Variants in CPT1B observed in about 807,000 individuals in gnomAD.
CPT1B encodes carnitine palmitoyltransferase 1B.
A neutral mutation model predicts 92.7 loss-of-function variants in CPT1B; 57 were observed. The observed-to-expected ratio is 0.62, with a 90% CI of 0.50 to 0.77. The LOEUF (loss-of-function observed/expected upper bound fraction) is 0.77. Among genes scored for constraint, CPT1B ranks in the 30% least tolerant of loss-of-function variants. The probability of loss-of-function intolerance (pLI) is 0.00; values close to 1 mark genes in which losing one functional copy is unlikely to be tolerated. For missense variants in CPT1B, 983 were observed against 1,017.4 expected (o/e 0.97, Z 0.46); for synonymous variants, 398 against 383.5 (o/e 1.04, Z -0.44).
In CPT1B at chr22:50,575,566, T is replaced by C. The variant is rs549979520; in HGVS notation, c.777+469A>G. ...AGACCCAGAGACTCAGAAGGGCCAG[T>C]TACATGGGGCAGAGGCAGACTGACT... On this transcript the variant is annotated intron_variant, in intron 7 of 19. Transcript: ENST00000312108. 3.5e-4 allele frequency among the ~76,000 whole-genome samples: 53 copies of C among 152,234 alleles called. No individual in the cohort carries two copies. The Middle Eastern group carries it at 0.02, about 59-fold the overall frequency.
Position 50,574,398 on chromosome 22 carries a change from G to A in CPT1B, c.907C>T (p.Pro303Ser). 1 of 1,614,066 alleles carries A rather than the reference G, an allele frequency of 6.2e-7. No individual in the cohort carries two copies. The highest frequency in any genetic ancestry group is 1.7e-5 in the Admixed American group (1 of 60,002). Residue 303 changes from proline to serine, a missense_variant, in exon 9 of 20, where the codon CCT becomes TCT. Transcript: ENST00000312108. ...IKPVMALGIV[P>S]MCSYQMERMF... ...CTCTCCATCTGGTAGGAGCACATAG[G>A]CACTATGCCCAGTGCCATCACCTGA...
At chr22:50,569,491 G>A (rs2070050918) in intron 18 of CPT1B, 70 bp from the exon 19 acceptor site, 4 of 1,602,944 alleles carry the variant, frequency 2.5e-6, no homozygotes, top group Non-Finnish European at 3.4e-6. Flanking sequence ...AAGCAAGGAT[G>A]CCTCCCCAGC....
intron 5 of CPT1B, 61 bp downstream of exon 5, chr22:50,576,475 T>C (rs1237420908): frequency 2.5e-6 from 4 of 1,598,540 alleles, no homozygotes; most frequent in Non-Finnish European, 3.4e-6. Context: ...ACCTTATATT[T>C]GGAAACATCT....
Position 50,576,284 on chromosome 22 carries a change from C to G in CPT1B, c.613G>C (p.Glu205Gln). The change falls in exon 6 of 20, where the codon GAG (glutamate) becomes CAG (glutamine). Residue 205 changes from glutamate (E) to glutamine (Q), a missense_variant. By Grantham distance (29) the Glu-to-Gln change is conservative. Transcript: ENST00000312108. ...TCCTGGAATTCTTTGGCCAGCAACT[C>G]CATGCGGTAATATTCCTCATCATCC... ...LLDDEEYYRM[E>Q]LLAKEFQDKT... The G allele has an allele frequency of 6.2e-7, 1 of 1,614,088 alleles. No individual in the cohort carries two copies.
chr22:50,572,154 C>T (rs1439240504), intron 12 of CPT1B, 32 bp from the exon 13 acceptor site: 2 of 1,610,556 alleles, frequency 1.2e-6, no homozygotes, highest in Non-Finnish European at 8.5e-7. Flanking sequence ...GAGAGGCTGG[C>T]CTCATCCCCT....
intron 1 of CPT1B, 28 bp downstream of exon 1, chr22:50,578,358 G>A (rs2070571685): frequency 6.6e-6 from 1 of 152,536 alleles, no homozygotes; most frequent in African/African-American, 2.4e-5. Context: ...AGACCCCCGC[G>A]GGCCGCCCTG....
Position 50,571,532 on chromosome 22 carries a change from G to T in CPT1B, c.1583C>A (p.Ala528Glu), listed in dbSNP as rs770692414. 4 of 1,611,626 alleles carry T rather than the reference G, an allele frequency of 2.5e-6. No individual in the cohort carries two copies. Among genetic ancestry groups the T allele is most frequent in the Middle Eastern group, 1.7e-4 (1 of 6,054 alleles). The change falls in exon 14 of 20, where the codon GCG becomes GAG. Residue 528 changes from alanine (A) to glutamate (E), a missense_variant. Ala to Glu is a moderately radical substitution (Grantham distance 107). Transcript: ENST00000312108. ...LQWDIPKQCQAVIESSYQVAK... is the reference protein window; with the variant it reads ...LQWDIPKQCQEVIESSYQVAK... ...CACCTGGTAGGAACTCTCGATGACC[G>T]CCTGGCACTGCCAAGACATGGGAAG...
intron 7 of CPT1B, chr22:50,574,844 C>T (rs1015616424): frequency 5.2e-5 from 25 of 479,518 alleles, no homozygotes; most frequent in Middle Eastern, 5.8e-4. Flanking sequence ...GCTCTGTCGC[C>T]CAGGCTGGAG....
Position 50,574,385 on chromosome 22 carries a change from T to C in CPT1B, c.920A>G (p.Tyr307Cys), listed in dbSNP as rs2070335297. 6.2e-7 allele frequency: 1 copy of C among 1,613,994 alleles called. No homozygotes were observed. Among genetic ancestry groups the C allele is most frequent in the African/African-American group, 1.3e-5 (1 of 74,998 alleles). Residue 307 changes from tyrosine (Y) to cysteine (C), a missense_variant, in exon 9 of 20, where the codon TAC becomes TGC. By Grantham distance (194) the Tyr-to-Cys change is radical. Coordinates refer to ENST00000312108, the MANE Select transcript of CPT1B (RefSeq NM_152246.3). ...MALGIVPMCS[Y>C]QMERMFNTTR... The stretch of plus-strand genomic sequence containing the variant: ...GGTGTTGAACATCCTCTCCATCTGG[T>C]AGGAGCACATAGGCACTATGCCCAG...
At position 50,573,937 on chromosome 22, in the gene CPT1B, CAGA is replaced by C. The variant is rs1446075956; in HGVS notation, c.971-225_971-223del. 1.3e-5 allele frequency: 9 copies of C among 711,116 alleles called. No homozygotes were observed. The highest frequency in any genetic ancestry group is 2.4e-5 in the Non-Finnish European group (9 of 381,976). 44.1% of individuals were successfully genotyped at this position (711,116 alleles called of 1,614,324 possible). On this transcript the variant is annotated intron_variant, in intron 9 of 19. Transcript: ENST00000312108. This position sits in a 1 kb window ranked among gnomAD's most constrained non-coding sequence, Gnocchi z 5.0. ...ACCAACAATCCTATAAAGTATTTCA[CAGA>C]AGAGGAAACGACGCACTAGAGGGTT...
At chr22:50,571,592 CTG>C in intron 13 of CPT1B, 53 bp from the exon 14 acceptor site, 2 of 1,586,076 alleles carry the variant, frequency 1.3e-6, no homozygotes, top group Non-Finnish European at 1.7e-6. Flanking sequence ...AAGCAGGACT[CTG>C]GGTCATGTCT....
rs1428380981 is a variant in CPT1B, at chr22:50,577,012, G to T, written c.304C>A (p.Gln102Lys). The change falls in exon 4 of 20, where the codon CAG (glutamine) becomes AAG (lysine). Residue 102 changes from glutamine (Q) to lysine (K), a missense_variant. Physicochemically the swap from Gln to Lys is moderately conservative, Grantham distance 53. Coordinates refer to ENST00000312108, the MANE Select transcript of CPT1B (RefSeq NM_152246.3). ...PQGCGPYQTPQTRALLSMAIF... is the reference protein window; with the variant it reads ...PQGCGPYQTPKTRALLSMAIF... ...GCCATGCTGAGAAGTGCCCGGGTCTGCGGGGTCTGGTAGGGGCCACACCTA... is the reference window on the plus strand; with the variant it reads ...GCCATGCTGAGAAGTGCCCGGGTCTTCGGGGTCTGGTAGGGGCCACACCTA... The T allele has an allele frequency of 6.2e-7, 1 of 1,613,918 alleles. No homozygotes were observed. Among genetic ancestry groups the T allele is most frequent in the African/African-American group, 1.3e-5 (1 of 74,932 alleles).
chr22:50,569,843 C>T (rs2070075016), intron 17 of CPT1B, among the ~76,000 whole-genome samples, 175 bp from the exon 18 acceptor site: 1 of 152,206 alleles, frequency 6.6e-6, no homozygotes, highest in Non-Finnish European at 1.5e-5. Flanking sequence ...AGAATGCTGC[C>T]CAGACCCCGC....
intron 1 of CPT1B, 41 bp from the exon 2 acceptor site, chr22:50,577,975 G>T: frequency 6.8e-7 from 1 of 1,470,742 alleles, no homozygotes; most frequent in East Asian, 2.5e-5. Context: ...CGCTTAGGCC[G>T]GCCCCGCCGC....
At position 50,573,852 on chromosome 22, in the gene CPT1B, G is replaced by A. The variant is rs1330552001; in HGVS notation, c.971-137C>T. ...GCCTGGGCCTTCCTGCCCCCTGGAT[G>A]GGATCCGTGTGTCCTAAACCAGGCC... On this transcript the variant is annotated intron_variant, in intron 9 of 19. Coordinates refer to ENST00000312108, the MANE Select transcript of CPT1B (RefSeq NM_152246.3). This position sits in a 1 kb window ranked among gnomAD's most constrained non-coding sequence, Gnocchi z 5.0. 2 of 786,126 alleles carry A rather than the reference G, an allele frequency of 2.5e-6. No individual in the cohort carries two copies. The highest frequency in any genetic ancestry group is 4.5e-6 in the Non-Finnish European group (2 of 448,974). 48.7% of individuals were successfully genotyped at this position (786,126 alleles called of 1,614,324 possible).
rs1398025435 is a variant in CPT1B, at chr22:50,570,277, C to A, written c.2142+16G>T. 1 of 1,544,740 alleles carries A rather than the reference C, an allele frequency of 6.5e-7. No individual in the cohort carries two copies. Among genetic ancestry groups the A allele is most frequent in the East Asian group, 2.3e-5 (1 of 44,068 alleles). ...GGCCCTGGTGCTGCCCACCCACCCC[C>A]TTCAGGAGCACTCACAGGGCCAAAG... On this transcript the variant is annotated intron_variant, in intron 17 of 19. Transcript: ENST00000312108.
intron 9 of CPT1B, 27 bp downstream of exon 9, chr22:50,574,308 C>T (rs1269687229): frequency 6.3e-6 from 10 of 1,588,952 alleles, no homozygotes; most frequent in Non-Finnish European, 8.6e-6. Flanking sequence ...AGATGGCCCA[C>T]AGGTAGCAGC....
In CPT1B at chr22:50,570,993, A is replaced by G. The variant is rs754382248; in HGVS notation, c.1926T>C (p.Asn642=). 13 of 1,613,916 alleles carry G rather than the reference A, an allele frequency of 8.1e-6. No homozygotes were observed. The highest frequency in any genetic ancestry group is 7.6e-6 in the Non-Finnish European group (9 of 1,180,034). Residue 642 remains asparagine, a synonymous_variant, in exon 16 of 20, where the codon AAT becomes AAC. Transcript: ENST00000312108. The stretch of plus-strand genomic sequence containing the variant: ...CCCCGGTCATGGCCAGGCGGTACAT[A>G]TTCTGGTGCTTCTTAGCAGCCTTCT... The part of the protein sequence containing the change: ...LFQKAAKKHQ[N]MYRLAMTGAG...
rs779432414 is a variant in CPT1B at position 50,576,338 on chromosome 22, G to C, written c.562-3C>G. 4 of 1,614,010 alleles carry C rather than the reference G, an allele frequency of 2.5e-6. No individual in the cohort carries two copies. The highest frequency in any genetic ancestry group is 3.4e-6 in the Non-Finnish European group (4 of 1,179,996). On this transcript the variant is annotated splice_polypyrimidine_tract_variant and splice_region_variant and intron_variant, in intron 5 of 19. Transcript: ENST00000312108. ...AAGGGGCGCACAGACTCTAGGTACTGTCCAGCCAGTTATCATCACCGTGGG... is the reference window on the plus strand; with the variant it reads ...AAGGGGCGCACAGACTCTAGGTACTCTCCAGCCAGTTATCATCACCGTGGG...
Sources: allele counts gnomAD v4.1 joint callset (sites outside exome capture counted in the v4.1 genomes callset), GRCh38; gene constraint gnomAD v4.1.1; non-coding constraint Gnocchi (gnomAD v3.1); transcripts MANE v1.5; gene names NCBI Gene and HGNC (gene_info 2026-07-23, HGNC 2026-07-21).